HEXB: variants seen among roughly 807,000 people sequenced by gnomAD.
HEXB encodes beta-hexosaminidase subunit beta.
Under a neutral mutation model 71.2 loss-of-function variants are expected in HEXB, and 51 were observed. That is an observed-to-expected ratio of 0.72 (90% CI 0.57 to 0.90). HEXB has a LOEUF of 0.90. Ranked by LOEUF, HEXB falls within the 40% of genes least tolerant of loss-of-function variation. The pLI is 0.00. For missense variants in HEXB, 617 were observed against 677.0 expected (o/e 0.91, Z 0.98); for synonymous variants, 266 against 249.3 (o/e 1.07, Z -0.63).
intron 1 of HEXB, among the ~76,000 whole-genome samples, chr5:74,676,085 A>C (rs1353010516): frequency 6.6e-6 from 1 of 152,218 alleles, no homozygotes; most frequent in Non-Finnish European, 1.5e-5. Context: ...CTCTGAATTG[A>C]GCTATAATGT....
intron 2 of HEXB, chr5:74,689,678 GA>G (rs1748952830): frequency 8.4e-6 from 5 of 593,148 alleles, no homozygotes; most frequent in Non-Finnish European, 1.5e-5. Context: ...AAGTGCAGAA[GA>G]AGAAATAAAT....
chr5:74,667,878 G>A (rs1318780829), intron 1 of HEXB, among the ~76,000 whole-genome samples: 2 of 152,058 alleles, frequency 1.3e-5, no homozygotes, highest in Non-Finnish European at 2.9e-5. Flanking sequence ...CTGATTAAGG[G>A]GTCCTCAAAT....
chr5:74,720,319 G>A, intron 11 of HEXB, 109 bp from the exon 12 acceptor site: 1 of 866,954 alleles, frequency 1.2e-6, no homozygotes, highest in Admixed American at 1.8e-5. Flanking sequence ...CTAACCACGG[G>A]CAAGAAATGT....
chr5:74,712,377 A>T (rs886127933), intron 6 of HEXB, among the ~76,000 whole-genome samples: 4 of 151,716 alleles, frequency 2.6e-5, no homozygotes, highest in Non-Finnish European at 5.9e-5. Flanking sequence ...ACATGTATAC[A>T]TACGTAACTA....
chr5:74,705,148 A>G, intron 5 of HEXB, 71 bp from the exon 6 acceptor site: 1 of 925,042 alleles, frequency 1.1e-6, no homozygotes, highest in Non-Finnish European at 1.8e-6. Context: ...AAGCAATTCC[A>G]AATGTAGATA....
At chr5:74,715,431 C>T (rs1044688611) in intron 7 of HEXB, 79 bp from the exon 8 acceptor site, 52 of 934,658 alleles carry the variant, frequency 5.6e-5, no homozygotes, top group Middle Eastern at 5.0e-4. Context: ...AATAAAATGA[C>T]GTAGTAAAAT....
intron 1 of HEXB, among the ~76,000 whole-genome samples, chr5:74,662,697 T>A (rs1296569637): frequency 6.6e-6 from 1 of 152,212 alleles, no homozygotes; most frequent in Non-Finnish European, 1.5e-5. Context: ...TTAAGAAACA[T>A]TTGCTTATTT....
At chr5:74,679,944 T>A (rs1013172283) in intron 1 of HEXB, among the ~76,000 whole-genome samples, 5 of 152,150 alleles carry the variant, frequency 3.3e-5, no homozygotes, top group African/African-American at 4.8e-5. Flanking sequence ...TTGTGGTGTC[T>A]TAGAGTACCT....
chr5:74,684,865 C>T (rs1748817313), upstream of HEXB, among the ~76,000 whole-genome samples: 1 of 151,624 alleles, frequency 6.6e-6, no homozygotes, highest in Non-Finnish European at 1.5e-5. Context: ...TTTGTAGAGT[C>T]GGGGTTTCAC....
intron 5 of HEXB, among the ~76,000 whole-genome samples, chr5:74,703,711 G>C (rs1211490391): frequency 1.3e-5 from 2 of 152,152 alleles, no homozygotes; most frequent in Non-Finnish European, 2.9e-5. Context: ...TCACCCCCAG[G>C]CTGGAGTGCA....
At position 74,721,173 on chromosome 5, in the gene HEXB, TA is replaced by T; in HGVS notation, c.*4del. ...TGGATATTGTAACCATGAGAACATG[TA>T]AAAAATGGAGGGGAAAAAGGCCACA... The part of the protein sequence containing the change: ...YAGYCNHENM[*>X] On this transcript the variant is annotated frameshift_variant and stop_lost, in exon 14 of 14. Transcript: ENST00000261416. LOFTEE classifies it high-confidence loss of function. 2 of 1,612,248 alleles carry T rather than the reference TA, an allele frequency of 1.2e-6. No homozygotes were observed. Among genetic ancestry groups the T allele is most frequent in the Non-Finnish European group, 1.7e-6 (2 of 1,178,456 alleles).
chr5:74,684,639 C>G (rs934060762), upstream of HEXB, among the ~76,000 whole-genome samples: 44 of 151,732 alleles, frequency 2.9e-4, no homozygotes, highest in Admixed American at 1.6e-3. Flanking sequence ...CCTGGCGTCC[C>G]GAGCCTGTGC....
chr5:74,680,670 G>A (rs529102198), upstream of HEXB, among the ~76,000 whole-genome samples: 3 of 152,264 alleles, frequency 2.0e-5, no homozygotes, highest in African/African-American at 7.2e-5. Flanking sequence ...CCTTGAATGT[G>A]GGAAAAATAA....
At chr5:74,683,422 G>T (rs1748776175), upstream of HEXB, among the ~76,000 whole-genome samples, 1 of 152,014 alleles carries the variant, frequency 6.6e-6, no homozygotes, top group Non-Finnish European at 1.5e-5. Flanking sequence ...TTGTGCCTCA[G>T]CCACCCAAGT....
chr5:74,715,858 A>C (rs1749659461), intron 8 of HEXB, among the ~76,000 whole-genome samples, 168 bp downstream of exon 8: 1 of 151,870 alleles, frequency 6.6e-6, no homozygotes, highest in South Asian at 2.1e-4. Flanking sequence ...CTCTACTAAA[A>C]ATACAAAAAT....
At position 74,697,034 on chromosome 5, in the gene HEXB, G is replaced by T; in HGVS notation, c.597G>T (p.Arg199Ser). 6.3e-7 allele frequency: 1 copy of T among 1,584,168 alleles called. No homozygotes were observed. Among genetic ancestry groups the T allele is most frequent in the Non-Finnish European group, 8.7e-7 (1 of 1,153,806 alleles). ...INESTIIDSP[R>S]FSHRGILIDT... ...AATCCACCATTATTGATTCTCCAAG[G>T]TTTTCTCACAGAGGAATTTTGATTG... The change falls in exon 5 of 14, where the codon AGG (arginine) becomes AGT (serine). Residue 199 changes from arginine (R) to serine (S), a missense_variant. Physicochemically the swap from Arg to Ser is moderately radical, Grantham distance 110. Transcript: ENST00000261416.
chr5:74,651,191 G>A (rs972538017), intron 1 of HEXB, among the ~76,000 whole-genome samples: 4 of 152,166 alleles, frequency 2.6e-5, no homozygotes, highest in Non-Finnish European at 5.9e-5. Flanking sequence ...GAGAAACTGA[G>A]TCTGAGAGAA....
At chr5:74,681,266 G>C (rs1040845304), upstream of HEXB, among the ~76,000 whole-genome samples, 2 of 152,124 alleles carry the variant, frequency 1.3e-5, no homozygotes, top group Non-Finnish European at 2.9e-5. Flanking sequence ...AGACATTTAT[G>C]TTTTTTACCA....
intron 11 of HEXB, chr5:74,720,053 A>C: frequency 4.4e-6 from 1 of 226,482 alleles, no homozygotes; most frequent in Admixed American, 5.1e-5. Context: ...TAGTATTCCA[A>C]CTTCTATTCC....
Sources: allele counts gnomAD v4.1 joint callset (sites outside exome capture counted in the v4.1 genomes callset), GRCh38; gene constraint gnomAD v4.1.1; transcripts MANE v1.5; gene names NCBI Gene and HGNC (gene_info 2026-07-23, HGNC 2026-07-21).